The following FGD5 variants were observed in gnomAD, a reference collection of about 807,000 sequenced individuals.
The protein encoded by FGD5 is FYVE, RhoGEF and PH domain-containing protein 5.
Under a neutral mutation model 133.4 loss-of-function variants are expected in FGD5, and 28 were observed. The observed-to-expected ratio is 0.21, with a 90% confidence interval of 0.16 to 0.29. The LOEUF is 0.29. FGD5 is among the 10% of genes least tolerant of loss of function. The pLI, the probability that FGD5 is intolerant of heterozygous loss-of-function variation, is 1.00. For missense variants in FGD5, 1,858 were observed against 1,895.2 expected, an observed-to-expected ratio of 0.98 and a Z score of 0.36; for synonymous variants, 810 against 776.5, an observed-to-expected ratio of 1.04 and a Z score of -0.72.
intron 8 of FGD5, among the ~76,000 whole-genome samples, 177 bp from the exon 9 acceptor site, chr3:14,900,821 TATAAC>T (rs1230015491): frequency 6.6e-6 from 1 of 152,208 alleles, no homozygotes; most frequent in Non-Finnish European, 1.5e-5. Flanking sequence ...TGGTCACTAT[TATAAC>T]ATATTCAGTT....
At position 14,924,036 on chromosome 3, in the gene FGD5, G is replaced by A. The variant is rs2038740578; in HGVS notation, c.3966G>A (p.Leu1322=). The change falls in exon 17 of 20, where the codon CTG becomes CTA. Residue 1322 remains leucine, a synonymous_variant. Transcript: ENST00000285046. ...GGCCTGTGAGCATGAGCTTCCCGCT[G>A]TCTTCACCCCGCTTCTCGGGCAGTG... ...RERPVSMSFP[L]SSPRFSGSAF... The A allele has an allele frequency of 2.5e-6, 4 of 1,614,012 alleles. No homozygotes were observed. In the South Asian group the frequency reaches 4.4e-5, roughly 18 times the overall value.
rs1195587686 is a variant in FGD5, at chr3:14,933,439, A to G, written c.*272A>G. The G allele has an allele frequency of 2.8e-5, 12 of 430,328 alleles. No homozygotes were observed. Among genetic ancestry groups the G allele is most frequent in the South Asian group, 3.5e-5 (1 of 28,260 alleles). 26.7% of individuals were successfully genotyped at this position (430,328 alleles called of 1,614,324 possible). On this transcript the variant is annotated 3_prime_UTR_variant, in exon 20 of 20. Coordinates refer to ENST00000285046, the MANE Select transcript of FGD5 (RefSeq NM_152536.4). ...GTAATAAACTATTTCCTTACCCCGC[A>G]GTGAGTTAAAATTTAGTAAGATGAA...
chr3:14,927,694 CTTGCTAT>C (rs1316398363), intron 18 of FGD5, among the ~76,000 whole-genome samples: 1 of 152,134 alleles, frequency 6.6e-6, no homozygotes, highest in Non-Finnish European at 1.5e-5. Context: ...GCTGATGCAA[CTTGCTAT>C]TTAGTAACAG....
At chr3:14,909,890 C>T (rs989552306) in intron 10 of FGD5, among the ~76,000 whole-genome samples, 16 of 151,690 alleles carry the variant, frequency 1.1e-4, no homozygotes, top group Admixed American at 5.9e-4. Flanking sequence ...CTCAGCCTCC[C>T]GAGTAGCTGG....
chr3:14,842,335 G>T (rs1319876651), intron 1 of FGD5, among the ~76,000 whole-genome samples: 1 of 152,186 alleles, frequency 6.6e-6, no homozygotes, highest in African/African-American at 2.4e-5. Flanking sequence ...TGGTCACAGA[G>T]ACCAACCTGG....
intron 1 of FGD5, among the ~76,000 whole-genome samples, chr3:14,831,240 G>A (rs1289582135): frequency 3.9e-5 from 6 of 152,190 alleles, no homozygotes; most frequent in Admixed American, 3.9e-4. Flanking sequence ...CCTTGTGAAA[G>A]ATTTGGATTT....
intron 2 of FGD5, among the ~76,000 whole-genome samples, chr3:14,865,119 A>ACCCCCCCCCCCCCCCCCCC (rs1216267069): frequency 7.1e-6 from 1 of 140,746 alleles, no homozygotes; most frequent in African/African-American, 2.7e-5. Flanking sequence ...CCCCCACCCA[A>ACCCCCCCCCCCCCCCCCCC]CCCACCCATC....
rs753826942 is a variant in FGD5 at position 14,820,446 on chromosome 3, AAAG to A, written c.1381_1383del (p.Glu461del). On this transcript the variant is annotated inframe_deletion, in exon 1 of 20. Transcript: ENST00000285046. ...GGACGCCCTGGGTGGTTATGGCTCGAAAGAAGAATTGAACTGTGAGGCAGAGGG... is the reference window on the plus strand; with the variant it reads ...GGACGCCCTGGGTGGTTATGGCTCGAAAGAATTGAACTGTGAGGCAGAGGG... The A allele has an allele frequency of 9.2e-5, 148 of 1,613,450 alleles. No individual in the cohort carries two copies. The highest frequency in any genetic ancestry group is 1.2e-4 in the Non-Finnish European group (143 of 1,179,826).
At chr3:14,888,031 A>G (rs747957237) in intron 4 of FGD5, among the ~76,000 whole-genome samples, 6 of 151,788 alleles carry the variant, frequency 4.0e-5, no homozygotes, top group Non-Finnish European at 5.9e-5. Context: ...TTAGCCAGAC[A>G]TGGTGGCTCA....
At chr3:14,840,752 A>T (rs185572316) in intron 1 of FGD5, among the ~76,000 whole-genome samples, 1 of 151,594 alleles carries the variant, frequency 6.6e-6, no homozygotes, top group African/African-American at 2.4e-5. Flanking sequence ...CAACCAACCA[A>T]CCCCACCACA....
chr3:14,855,703 G>A (rs2037264294), intron 1 of FGD5, among the ~76,000 whole-genome samples: 1 of 151,636 alleles, frequency 6.6e-6, no homozygotes, highest in Non-Finnish European at 1.5e-5. Context: ...TTTTTAATCA[G>A]ATTGGGTTTT....
chr3:14,884,157 G>A (rs150872711), intron 4 of FGD5, among the ~76,000 whole-genome samples: 90 of 152,328 alleles, frequency 5.9e-4, no homozygotes, highest in African/African-American at 2.0e-3. Flanking sequence ...TGAACAGCTA[G>A]AGATTTTGAA....
In FGD5 at chr3:14,917,218, G is replaced by C; in HGVS notation, c.3406-31G>C. 6.2e-7 allele frequency: 1 copy of C among 1,600,286 alleles called. No individual in the cohort carries two copies. Among genetic ancestry groups the C allele is most frequent in the Non-Finnish European group, 8.5e-7 (1 of 1,171,896 alleles). Reference sequence around the variant, plus strand: ...AGCCTGGCGCAGCCTTCTGGGGCCAGGGTCCTCTCATAGGGTTTCCCTCTC... The same window carrying C: ...AGCCTGGCGCAGCCTTCTGGGGCCACGGTCCTCTCATAGGGTTTCCCTCTC... On this transcript the variant is annotated intron_variant, in intron 11 of 19. Transcript: ENST00000285046. The surrounding 1 kb of genome is among the most constrained non-coding windows in gnomAD (Gnocchi z 4.1).
intron 1 of FGD5, among the ~76,000 whole-genome samples, chr3:14,839,167 A>T (rs532780112): frequency 1.3e-5 from 2 of 152,236 alleles, no homozygotes; most frequent in East Asian, 1.9e-4. Flanking sequence ...GGAAATGCAC[A>T]GGCTTCTGGG....
At chr3:14,921,244 A>AG (rs2038673778) in intron 13 of FGD5, 1 of 153,886 alleles carries the variant, frequency 6.5e-6, no homozygotes, top group Non-Finnish European at 1.4e-5. Flanking sequence ...TCTGCCCTGC[A>AG]GCACTGCTCC....
intron 2 of FGD5, among the ~76,000 whole-genome samples, chr3:14,865,119 A>ACCCCCCCCCCCCCCCCCCCC (rs1216267069): frequency 7.1e-6 from 1 of 140,746 alleles, no homozygotes; most frequent in African/African-American, 2.7e-5. Flanking sequence ...CCCCCACCCA[A>ACCCCCCCCCCCCCCCCCCCC]CCCACCCATC....
intron 1 of FGD5, among the ~76,000 whole-genome samples, chr3:14,857,650 G>T (rs1251489311): frequency 2.0e-5 from 3 of 152,270 alleles, no homozygotes; most frequent in Non-Finnish European, 4.4e-5. Context: ...AGAGATGGGG[G>T]CCTTTCTACT....
At chr3:14,822,195 T>A (rs1458187102) in intron 1 of FGD5, among the ~76,000 whole-genome samples, 2 of 152,204 alleles carry the variant, frequency 1.3e-5, no homozygotes, top group East Asian at 3.8e-4. Context: ...ACGGTACATG[T>A]GAAAGCATTT....
Position 14,922,998 on chromosome 3 carries a change from C to T in FGD5, c.3808-48C>T, listed in dbSNP as rs1205608251. The T allele has an allele frequency of 6.2e-7, 1 of 1,612,796 alleles. No individual in the cohort carries two copies. The highest frequency in any genetic ancestry group is 8.5e-7 in the Non-Finnish European group (1 of 1,179,218). On this transcript the variant is annotated intron_variant, in intron 15 of 19. Coordinates refer to ENST00000285046, the MANE Select transcript of FGD5 (RefSeq NM_152536.4). This position sits in a 1 kb window ranked among gnomAD's most constrained non-coding sequence, Gnocchi z 4.1. The stretch of plus-strand genomic sequence containing the variant: ...AGCGGAGGGGAGGGGTGCAGGTCTC[C>T]TTTGCATGCACTGAGAGGGGTGAGA...
Sources: gnomAD v4.1 joint callset for allele counts (sites outside exome capture counted in the v4.1 genomes callset) on GRCh38, gnomAD v4.1.1 for gene constraint, Gnocchi (gnomAD v3.1) non-coding constraint, MANE v1.5 for transcripts, NCBI Gene and HGNC (gene_info 2026-07-23, HGNC 2026-07-21) for gene names.